Variants in SEMA3D observed in about 807,000 individuals in gnomAD.
SEMA3D encodes the protein semaphorin-3D.
A neutral mutation model predicts 100.1 loss-of-function variants in SEMA3D; 84 were observed. That is an observed-to-expected ratio of 0.84 (90% CI 0.70 to 1.01). The LOEUF (loss-of-function observed/expected upper bound fraction) is 1.01, where lower values mean the gene tolerates loss of function less well. Ranked by LOEUF, SEMA3D falls within the 50% of genes least tolerant of loss-of-function variation. SEMA3D has a pLI of 0.00. For missense variants in SEMA3D, 875 were observed against 934.1 expected (o/e 0.94, Z 0.82); for synonymous variants, 312 against 320.7 (o/e 0.97, Z 0.29).
rs186642538 is a variant in SEMA3D at position 85,001,535 on chromosome 7, T to G, written c.1909-1670A>C. On this transcript the variant is annotated intron_variant, in intron 18 of 18. Transcript: ENST00000284136. Reference sequence around the variant, plus strand: ...AAATTTAATACACTACGTATAATTGTTTTTTTCCCTTAGATAATTTCATTG... The same window carrying G: ...AAATTTAATACACTACGTATAATTGGTTTTTTCCCTTAGATAATTTCATTG... Among the ~76,000 whole-genome samples the G allele has an allele frequency of 3.6e-3, 550 of 152,236 alleles. 1 individual carries two copies. The highest frequency in any genetic ancestry group is 6.1e-3 in the Non-Finnish European group (415 of 68,012).
chr7:85,074,546 C>T (rs985714556), intron 5 of SEMA3D, among the ~76,000 whole-genome samples: 2 of 151,652 alleles, frequency 1.3e-5, no homozygotes, highest in Non-Finnish European at 2.9e-5. Flanking sequence ...TACTAATATC[C>T]TAGTGGTTGC....
chr7:85,245,698 T>C, the SEMA3D span, among the ~76,000 whole-genome samples: 2 of 152,294 alleles, frequency 1.3e-5, no homozygotes, highest in Middle Eastern at 3.4e-3. Flanking sequence ...ATCTTTCACA[T>C]AGCATTTTTT....
At chr7:85,018,833 T>A (rs2115831161) in intron 14 of SEMA3D, among the ~76,000 whole-genome samples, 1 of 151,690 alleles carries the variant, frequency 6.6e-6, no homozygotes, top group East Asian at 2.0e-4. Context: ...TAAAAAAATA[T>A]GGCTCAATGC....
the SEMA3D span, among the ~76,000 whole-genome samples, chr7:85,227,860 T>G: frequency 3.3e-5 from 5 of 152,124 alleles, no homozygotes; most frequent in African/African-American, 1.2e-4. Context: ...TATAAAAATC[T>G]CTCACTCCTT....
At chr7:85,001,085 A>G (rs528013180) in intron 18 of SEMA3D, among the ~76,000 whole-genome samples, 1 of 152,338 alleles carries the variant, frequency 6.6e-6, no homozygotes, top group South Asian at 2.1e-4. Flanking sequence ...AATATGAGAA[A>G]AGGAAAAGAA....
intron 5 of SEMA3D, among the ~76,000 whole-genome samples, chr7:85,076,715 C>G (rs926967161): frequency 3.3e-5 from 5 of 152,264 alleles, no homozygotes; most frequent in Middle Eastern, 3.4e-3. Flanking sequence ...GACTTTTCAC[C>G]TATCTCTGTC....
rs1791593831 is a variant in SEMA3D at position 85,065,545 on chromosome 7, G to A, written c.597C>T (p.Tyr199=). 1.9e-6 allele frequency: 3 copies of A among 1,612,598 alleles called. No individual in the cohort carries two copies. ...AATCAGAAGCTGTTCCAGAGTAGAG[G>A]TACTCATCTGAGAGGGAGAAAAAAG... is the stretch of plus-strand genomic sequence containing the variant. ...QPFASVMTDE[Y]LYSGTASDFL... is the part of the protein sequence containing the mutation. The change falls in exon 8 of 19, where the codon TAC becomes TAT. Residue 199 remains tyrosine (Y), a synonymous_variant. Transcript: ENST00000284136.
intron 3 of SEMA3D, among the ~76,000 whole-genome samples, chr7:85,116,998 A>G (rs749215077): frequency 1.3e-5 from 2 of 152,158 alleles, no homozygotes; most frequent in Non-Finnish European, 2.9e-5. Context: ...CAACACTACT[A>G]TCATTGAGAA....
chr7:85,036,961 A>C lies in SEMA3D; in HGVS notation c.1119T>G (p.Tyr373Ter). 6.2e-7 allele frequency: 1 copy of C among 1,613,484 alleles called. No homozygotes were observed. The highest frequency in any genetic ancestry group is 8.5e-7 in the Non-Finnish European group (1 of 1,179,552). The change falls in exon 12 of 19, where the codon TAT (tyrosine) becomes TAG (stop). Residue 373 changes from tyrosine to a stop codon, truncating the protein, a stop_gained. Coordinates refer to ENST00000284136, the MANE Select transcript of SEMA3D (RefSeq NM_001384900.1). LOFTEE classifies it high-confidence loss of function. ...GATGGTCTGCACTTTCCTTATGAGC[A>C]TATGGACCATTAAAAACTGCTCTGA... Reference protein sequence around the residue: ...ADIRAVFNGPYAHKESADHRW... With the variant: ...ADIRAVFNGP
At chr7:85,201,291 C>G in the SEMA3D span, among the ~76,000 whole-genome samples, 1 of 152,128 alleles carries the variant, frequency 6.6e-6, no homozygotes, top group Non-Finnish European at 1.5e-5. Context: ...AAACTACTAG[C>G]TTTGATCGCC....
the SEMA3D span, among the ~76,000 whole-genome samples, chr7:85,200,451 C>T: frequency 1.3e-5 from 2 of 152,030 alleles, no homozygotes; most frequent in African/African-American, 4.8e-5. Context: ...TTGCCCCTGC[C>T]CTAGAGATTT....
intron 1 of SEMA3D, among the ~76,000 whole-genome samples, chr7:85,181,506 G>A (rs1791410413): frequency 6.6e-6 from 1 of 152,142 alleles, no homozygotes; most frequent in Non-Finnish European, 1.5e-5. Context: ...AAATAACCAT[G>A]ATAGTATGCT....
chr7:85,165,821 T>C (rs919626962), intron 1 of SEMA3D, among the ~76,000 whole-genome samples: 2 of 152,022 alleles, frequency 1.3e-5, no homozygotes, highest in Admixed American at 6.6e-5. Flanking sequence ...AGAAAATATG[T>C]GGTAGAGAAA....
At chr7:85,005,291 T>C (rs1026862563) in intron 18 of SEMA3D, among the ~76,000 whole-genome samples, 5 of 152,052 alleles carry the variant, frequency 3.3e-5, no homozygotes, top group Non-Finnish European at 5.9e-5. Context: ...ATAAATGCCT[T>C]ATATTTTGAA....
At chr7:85,148,925 C>T (rs1398641800) in intron 2 of SEMA3D, among the ~76,000 whole-genome samples, 1 of 151,744 alleles carries the variant, frequency 6.6e-6, no homozygotes, top group Admixed American at 6.6e-5. Flanking sequence ...ACAGGTTAAG[C>T]TTTTAACTTA....
intron 1 of SEMA3D, among the ~76,000 whole-genome samples, chr7:85,184,545 G>T (rs1159829934): frequency 6.6e-6 from 1 of 151,174 alleles, no homozygotes; most frequent in African/African-American, 2.4e-5. Flanking sequence ...AATGACACTT[G>T]TATCATATTG....
intron 3 of SEMA3D, among the ~76,000 whole-genome samples, chr7:85,099,795 T>C (rs77232619): frequency 0.036 from 5,459 of 152,050 alleles, 297 homozygotes; most frequent in African/African-American, 0.12. Flanking sequence ...GAGAATCTTT[T>C]CATACGCTTA....
In SEMA3D at chr7:85,171,558, AC is replaced by A. The variant is rs538636829; in HGVS notation, c.-173+15119del. Among the ~76,000 whole-genome samples, 287 of 151,992 alleles carry A rather than the reference AC, an allele frequency of 1.9e-3. 3 individuals carry two copies. The highest frequency in any genetic ancestry group is 6.8e-3 in the African/African-American group (281 of 41,480). On this transcript the variant is annotated intron_variant, in intron 1 of 18. Coordinates refer to ENST00000284136, the MANE Select transcript of SEMA3D (RefSeq NM_001384900.1). ...ACCATTATTACCTTGATCAAGATCA[AC>A]CTTTTTTTAGTGACCTGGAACTACT...
intron 8 of SEMA3D, among the ~76,000 whole-genome samples, chr7:85,058,151 C>T (rs927193639): frequency 6.6e-6 from 1 of 152,042 alleles, no homozygotes; most frequent in Non-Finnish European, 1.5e-5. Context: ...TTTGTTTTGT[C>T]GGTAATTTAG....
Sources: gnomAD v4.1 joint callset for allele counts (sites outside exome capture counted in the v4.1 genomes callset) on GRCh38, gnomAD v4.1.1 for gene constraint, MANE v1.5 for transcripts, NCBI Gene and HGNC (gene_info 2026-07-23, HGNC 2026-07-21) for gene names.